PPP2R2B: variants seen among roughly 807,000 people sequenced by gnomAD.
PPP2R2B encodes serine/threonine-protein phosphatase 2A 55 kDa regulatory subunit B beta isoform.
In PPP2R2B, 5 loss-of-function variants were observed where a neutral mutation model predicts 46.0. The ratio of observed to expected loss-of-function variants is 0.11; its 90% CI spans 0.06 to 0.23. The LOEUF (loss-of-function observed/expected upper bound fraction) is 0.23. Among genes scored for constraint, PPP2R2B ranks in the 10% least tolerant of loss-of-function variants. The pLI is 1.00. For synonymous variants in PPP2R2B, 215 were observed against 206.7 expected (o/e 1.04, Z -0.34); for missense variants, 367 against 575.0 (o/e 0.64, Z 3.70).
intron 1 of PPP2R2B, among the ~76,000 whole-genome samples, chr5:146,978,396 T>C (rs1753015082): frequency 6.6e-6 from 1 of 152,220 alleles, no homozygotes; most frequent in East Asian, 1.9e-4. Context: ...TTGTCAATTT[T>C]GGCTTTTTTG....
intron 2 of PPP2R2B, among the ~76,000 whole-genome samples, chr5:146,754,460 G>A (rs999409925): frequency 2.0e-4 from 31 of 152,180 alleles, no homozygotes; most frequent in Admixed American, 1.6e-3. Flanking sequence ...ATTTGCAGAA[G>A]CATATGTGCA....
At position 147,012,216 on chromosome 5, in the gene PPP2R2B, T is replaced by C. The variant is rs537449191; in HGVS notation, c.79+43449A>G. On this transcript the variant is annotated intron_variant, in intron 1 of 8. Coordinates refer to the PPP2R2B transcript ENST00000336640. The stretch of plus-strand genomic sequence containing the variant: ...GTGAATTCATCTGGTCCTGGACTCT[T>C]TTTGGTTGGTAAGCTATTGATTATT... 1.9e-3 allele frequency among the ~76,000 whole-genome samples: 293 copies of C among 152,190 alleles called. 1 individual carries two copies. Among genetic ancestry groups the C allele is most frequent in the African/African-American group, 6.8e-3 (283 of 41,530 alleles).
At chr5:146,755,017 C>T (rs1753757459) in intron 2 of PPP2R2B, among the ~76,000 whole-genome samples, 1 of 152,162 alleles carries the variant, frequency 6.6e-6, no homozygotes, top group Non-Finnish European at 1.5e-5. Flanking sequence ...AGTCACTGTT[C>T]ATGGCAGCAA....
chr5:146,813,800 T>C (rs1042552700), intron 2 of PPP2R2B, among the ~76,000 whole-genome samples: 2 of 151,574 alleles, frequency 1.3e-5, no homozygotes, highest in Non-Finnish European at 2.9e-5. Flanking sequence ...GGAAAACTGG[T>C]GAAAGAAAGA....
chr5:146,796,457 A>G (rs1561913939), intron 2 of PPP2R2B, among the ~76,000 whole-genome samples: 2 of 152,168 alleles, frequency 1.3e-5, no homozygotes, highest in Admixed American at 6.5e-5. Flanking sequence ...AATGGCAAAC[A>G]TTCTTCTTCT....
At chr5:147,072,157 T>A (rs754472279) in intron 2 of PPP2R2B, among the ~76,000 whole-genome samples, 1 of 152,184 alleles carries the variant, frequency 6.6e-6, no homozygotes, top group Non-Finnish European at 1.5e-5. Context: ...TCTCCTCATA[T>A]CTATGAAGAA....
chr5:146,948,857 G>A (rs1764568451), intron 1 of PPP2R2B, among the ~76,000 whole-genome samples: 1 of 152,084 alleles, frequency 6.6e-6, no homozygotes, highest in South Asian at 2.1e-4. Flanking sequence ...AACAACAGAA[G>A]TATGCACACA....
chr5:146,901,022 C>T (rs955215067), intron 1 of PPP2R2B, among the ~76,000 whole-genome samples: 2 of 152,074 alleles, frequency 1.3e-5, no homozygotes, highest in South Asian at 2.1e-4. Context: ...TTTCTTTATC[C>T]AGTCTGTCAT....
chr5:146,979,948 A>G (rs1351316826), intron 1 of PPP2R2B, among the ~76,000 whole-genome samples: 1 of 152,234 alleles, frequency 6.6e-6, no homozygotes, highest in Non-Finnish European at 1.5e-5. Flanking sequence ...AGAAAATGGT[A>G]CGTGTGTGTA....
At chr5:146,958,394 G>A (rs1435638569) in intron 1 of PPP2R2B, among the ~76,000 whole-genome samples, 1 of 152,056 alleles carries the variant, frequency 6.6e-6, no homozygotes, top group African/African-American at 2.4e-5. Context: ...AGCACTTTCT[G>A]GGTATGGCAT....
chr5:146,813,627 C>A (rs997215865), intron 2 of PPP2R2B, among the ~76,000 whole-genome samples: 1 of 152,214 alleles, frequency 6.6e-6, no homozygotes, highest in African/African-American at 2.4e-5. Flanking sequence ...AAAACACCTC[C>A]TTTTTAAGAG....
chr5:146,835,177 G>C (rs961482522), intron 2 of PPP2R2B, among the ~76,000 whole-genome samples: 1 of 152,062 alleles, frequency 6.6e-6, no homozygotes, highest in Non-Finnish European at 1.5e-5. Flanking sequence ...TTTTTCACTT[G>C]TAGTTATACT....
chr5:146,862,495 G>C (rs1582296848), intron 2 of PPP2R2B, among the ~76,000 whole-genome samples: 1 of 152,136 alleles, frequency 6.6e-6, no homozygotes, highest in Non-Finnish European at 1.5e-5. Flanking sequence ...TAAGCTCATA[G>C]GATTGCTGTG....
chr5:146,878,336 A>T lies in PPP2R2B; in HGVS notation c.-124-141T>A. ...ACTCCAGCTCCAGTTCCCAGCGAGG[A>T]TGCTGCGCCTGCCTCCGCTGCCTCC... is the stretch of plus-strand genomic sequence containing the variant. On this transcript the variant is annotated intron_variant, in intron 1 of 9. Transcript: ENST00000394411. The surrounding 1 kb of genome is among the most constrained non-coding windows in gnomAD (Gnocchi z 4.5). 1 of 1,434,854 alleles carries T rather than the reference A, an allele frequency of 7.0e-7. No homozygotes were observed. The highest frequency in any genetic ancestry group is 9.1e-7 in the Non-Finnish European group (1 of 1,100,090). 88.9% of individuals were successfully genotyped at this position (1,434,854 alleles called of 1,614,324 possible).
chr5:147,050,386 A>G (rs1337617532), intron 1 of PPP2R2B, among the ~76,000 whole-genome samples: 1 of 152,104 alleles, frequency 6.6e-6, no homozygotes, highest in Non-Finnish European at 1.5e-5. Flanking sequence ...GGTGCATTTG[A>G]CGTGGGCTGT....
At chr5:147,000,400 G>A (rs77881554) in intron 1 of PPP2R2B, among the ~76,000 whole-genome samples, 5,190 of 152,058 alleles carry the variant, frequency 0.034, 225 homozygotes, top group East Asian at 0.18. Context: ...AAAAAGCTCC[G>A]GAGCCAAGCT....
intron 2 of PPP2R2B, among the ~76,000 whole-genome samples, chr5:146,770,089 G>A (rs1240300623): frequency 6.6e-6 from 1 of 152,026 alleles, no homozygotes; most frequent in Non-Finnish European, 1.5e-5. Flanking sequence ...AGCATTTTGG[G>A]AGGCCGAGGC....
chr5:146,622,123 A>T (rs1028893779), intron 7 of PPP2R2B, among the ~76,000 whole-genome samples: 7 of 152,168 alleles, frequency 4.6e-5, no homozygotes, highest in African/African-American at 1.7e-4. Flanking sequence ...GTTTGTAGGT[A>T]TTATCTACTG....
chr5:146,775,451 A>T (rs1484352933), intron 2 of PPP2R2B, among the ~76,000 whole-genome samples: 1 of 152,206 alleles, frequency 6.6e-6, no homozygotes, highest in African/African-American at 2.4e-5. Flanking sequence ...ATATCCTTTC[A>T]TGATAAAACC....
Sources: allele counts gnomAD v4.1 joint callset (sites outside exome capture counted in the v4.1 genomes callset), GRCh38; gene constraint gnomAD v4.1.1; non-coding constraint Gnocchi (gnomAD v3.1); transcripts MANE v1.5; gene names NCBI Gene and HGNC (gene_info 2026-07-23, HGNC 2026-07-21).